ADGRL3: variants seen among roughly 807,000 people sequenced by gnomAD.
ADGRL3 encodes calcium-independent alpha-latrotoxin receptor 3.
ADGRL3 carries 62 observed loss-of-function variants against 153.5 expected under a neutral mutation model. That is an observed-to-expected ratio of 0.40 (90% CI 0.33 to 0.50). The LOEUF (loss-of-function observed/expected upper bound fraction) is 0.50. Among genes scored for constraint, ADGRL3 ranks in the 20% least tolerant of loss-of-function variants. The pLI, the probability that ADGRL3 is intolerant of heterozygous loss-of-function variation, is 0.47. For synonymous variants in ADGRL3, 710 were observed against 672.5 expected (o/e 1.06, Z -0.86); for missense variants, 1,641 against 1,859.4 (o/e 0.88, Z 2.16).
chr4:61,417,382 A>G (rs976147495), intron 2 of ADGRL3, among the ~76,000 whole-genome samples: 1 of 151,958 alleles, frequency 6.6e-6, no homozygotes. Context: ...GCTACTTGCA[A>G]CGCTGAGGTG....
At chr4:61,542,885 C>T (rs889750247) in intron 4 of ADGRL3, among the ~76,000 whole-genome samples, 1 of 152,168 alleles carries the variant, frequency 6.6e-6, no homozygotes, top group Non-Finnish European at 1.5e-5. Flanking sequence ...TCAAGTATTT[C>T]TATTTGCCAT....
intron 8 of ADGRL3, among the ~76,000 whole-genome samples, chr4:61,802,224 A>C (rs1164785989): frequency 6.6e-6 from 1 of 152,038 alleles, no homozygotes; most frequent in African/African-American, 2.4e-5. Flanking sequence ...TGCTTCCCAG[A>C]CACATATGCA....
intron 1 of ADGRL3, among the ~76,000 whole-genome samples, chr4:61,284,445 C>G (rs934644373): frequency 2.4e-4 from 36 of 151,900 alleles, no homozygotes; most frequent in Non-Finnish European, 5.0e-4. Context: ...TTATAATTGC[C>G]TGATCTAACC....
At chr4:61,767,023 A>G (rs1580721325) in intron 8 of ADGRL3, among the ~76,000 whole-genome samples, 1 of 152,150 alleles carries the variant, frequency 6.6e-6, no homozygotes, top group African/African-American at 2.4e-5. Context: ...ATCTTTTTAA[A>G]GTGTGCTGTG....
chr4:62,028,898 TG>T lies in ADGRL3; in HGVS notation c.3422+19del. On this transcript the variant is annotated intron_variant, in intron 22 of 26. Coordinates refer to ENST00000683033, the MANE Select transcript of ADGRL3 (RefSeq NM_001387552.1). ...CTTCATCAAGTAAGAATGACCTGAATGGCTGATAAATTCCGTTTATCAGTGT... is the reference window on the plus strand; with the variant it reads ...CTTCATCAAGTAAGAATGACCTGAATGCTGATAAATTCCGTTTATCAGTGT... 6.2e-7 allele frequency: 1 copy of T among 1,602,202 alleles called. No individual in the cohort carries two copies. Among genetic ancestry groups the T allele is most frequent in the Non-Finnish European group, 8.5e-7 (1 of 1,172,724 alleles).
At chr4:61,369,402 C>T (rs2096475190) in intron 1 of ADGRL3, among the ~76,000 whole-genome samples, 1 of 151,976 alleles carries the variant, frequency 6.6e-6, no homozygotes, top group African/African-American at 2.4e-5. Flanking sequence ...GAGATATGTC[C>T]CATCAATACC....
At chr4:61,761,533 C>A (rs1246608498) in intron 8 of ADGRL3, among the ~76,000 whole-genome samples, 1 of 152,088 alleles carries the variant, frequency 6.6e-6, no homozygotes, top group Non-Finnish European at 1.5e-5. Flanking sequence ...GTGGCTCATG[C>A]CCTTAGCCCC....
intron 5 of ADGRL3, among the ~76,000 whole-genome samples, chr4:61,637,965 C>G (rs991861643): frequency 3.9e-5 from 6 of 152,228 alleles, no homozygotes; most frequent in Admixed American, 3.9e-4. Flanking sequence ...AAAAGACAGA[C>G]TGGATAATAA....
chr4:61,337,034 G>T (rs547832125), intron 1 of ADGRL3, among the ~76,000 whole-genome samples: 1 of 144,374 alleles, frequency 6.9e-6, no homozygotes, highest in Non-Finnish European at 1.5e-5. Context: ...TTTCCTACCT[G>T]TGGAGGTGTG....
chr4:61,321,662 T>A (rs957785749), intron 1 of ADGRL3, among the ~76,000 whole-genome samples: 1 of 151,502 alleles, frequency 6.6e-6, no homozygotes, highest in Non-Finnish European at 1.5e-5. Flanking sequence ...CACTACTGAA[T>A]ACTGAAGATA....
In ADGRL3 at chr4:61,661,169, AATG is replaced by A. The variant is rs569610909; in HGVS notation, c.474-15656_474-15654del. The stretch of plus-strand genomic sequence containing the variant: ...ATGTAGACTTCTGAGTTTATTCACT[AATG>A]TTATCTAACCTATTTGCTTTAGACT... On this transcript the variant is annotated intron_variant, in intron 5 of 26. Coordinates refer to ENST00000683033, the MANE Select transcript of ADGRL3 (RefSeq NM_001387552.1). Among the ~76,000 whole-genome samples, 287 of 152,144 alleles carry A rather than the reference AATG, an allele frequency of 1.9e-3. 1 individual carries two copies. The highest frequency in any genetic ancestry group is 6.8e-3 in the African/African-American group (282 of 41,548).
chr4:61,457,856 A>AGAT (rs1334061861), intron 2 of ADGRL3, among the ~76,000 whole-genome samples: 1 of 90,078 alleles, frequency 1.1e-5, no homozygotes, highest in East Asian at 2.8e-4. Flanking sequence ...GATGACAGAT[A>AGAT]GATAGATAGA....
intron 2 of ADGRL3, among the ~76,000 whole-genome samples, chr4:61,448,053 T>C (rs1245488060): frequency 1.3e-5 from 2 of 152,130 alleles, no homozygotes; most frequent in Non-Finnish European, 2.9e-5. Context: ...ATGAGTATAG[T>C]GAAAGTCAGA....
At chr4:61,936,186 C>T (rs1371149477) in intron 15 of ADGRL3, 141 bp downstream of exon 15, 4 of 868,424 alleles carry the variant, frequency 4.6e-6, no homozygotes, top group Non-Finnish European at 5.5e-6. Context: ...TCCTCCTCTT[C>T]CTCCTCTTTC....
Position 61,201,023 on chromosome 4 carries a change from G to A in ADGRL3, c.-982G>A, listed in dbSNP as rs1734504270. 6.6e-6 allele frequency among the ~76,000 whole-genome samples: 1 copy of A among 152,192 alleles called. No homozygotes were observed. Among genetic ancestry groups the A allele is most frequent in the African/African-American group, 2.4e-5 (1 of 41,460 alleles). On this transcript the variant is annotated 5_prime_UTR_variant, in exon 1 of 27. Transcript: ENST00000683033. ...GTCCGCGGAGGTTGCGGGCTTGAGAGGGGACCCTCGGCTGGGAGAGAGCCT... is the reference window on the plus strand; with the variant it reads ...GTCCGCGGAGGTTGCGGGCTTGAGAAGGGACCCTCGGCTGGGAGAGAGCCT...
rs1746070961 is a variant in ADGRL3, at chr4:62,072,723, C to T, written c.*1815C>T. On this transcript the variant is annotated 3_prime_UTR_variant, in exon 27 of 27. Transcript: ENST00000683033. ...AACATATATGTTACTATTTGCTTAT[C>T]TATAAACCAGCTGCAGTCACTATGC... is the stretch of plus-strand genomic sequence containing the variant. 1 of 152,072 alleles carries T rather than the reference C, an allele frequency of 6.6e-6. No homozygotes were observed. The highest frequency in any genetic ancestry group is 2.4e-5 in the African/African-American group (1 of 41,424). 9.4% of individuals were successfully genotyped at this position (152,072 alleles called of 1,614,324 possible).
intron 1 of ADGRL3, among the ~76,000 whole-genome samples, chr4:61,204,077 A>G (rs976836131): frequency 3.3e-5 from 5 of 152,182 alleles, no homozygotes; most frequent in Non-Finnish European, 5.9e-5. Flanking sequence ...TGTTTGTTGC[A>G]AATACTTGTG....
intron 1 of ADGRL3, among the ~76,000 whole-genome samples, chr4:61,234,163 A>T (rs1394511724): frequency 6.6e-6 from 1 of 152,228 alleles, no homozygotes; most frequent in South Asian, 2.1e-4. Flanking sequence ...TATACTGCTG[A>T]TAAACACATA....
intron 5 of ADGRL3, among the ~76,000 whole-genome samples, chr4:61,606,242 T>A (rs2099031901): frequency 6.6e-6 from 1 of 152,134 alleles, no homozygotes; most frequent in African/African-American, 2.4e-5. Flanking sequence ...CATTTGAAGT[T>A]AAAGTGTAAA....
Sources: gnomAD v4.1 joint callset for allele counts (sites outside exome capture counted in the v4.1 genomes callset) on GRCh38, gnomAD v4.1.1 for gene constraint, MANE v1.5 for transcripts, NCBI Gene and HGNC (gene_info 2026-07-23, HGNC 2026-07-21) for gene names.